SOX6: variants seen among roughly 807,000 people sequenced by gnomAD.
SOX6 encodes transcription factor SOX-6.
SOX6 carries 11 observed loss-of-function variants against 97.8 expected under a neutral mutation model. That is an observed-to-expected ratio of 0.11 (90% confidence interval 0.07 to 0.19). SOX6 has a LOEUF of 0.19. Ranked by LOEUF, SOX6 falls within the 10% of genes least tolerant of loss-of-function variation. The pLI is 1.00. For synonymous variants in SOX6, 360 were observed against 371.4 expected, an observed-to-expected ratio of 0.97 and a Z score of 0.35; for missense variants, 810 against 1,039.5, an observed-to-expected ratio of 0.78 and a Z score of 3.04.
intron 9 of SOX6, 85 bp downstream of exon 9, chr11:16,095,911 C>CT: frequency 8.0e-6 from 11 of 1,377,668 alleles, no homozygotes; most frequent in Non-Finnish European, 1.1e-5. Flanking sequence ...GTGTTTGCCA[C>CT]TTTAAAAAAA....
intron 6 of SOX6, among the ~76,000 whole-genome samples, chr11:16,144,663 G>A (rs1181088090): frequency 1.3e-5 from 2 of 151,934 alleles, no homozygotes; most frequent in East Asian, 3.9e-4. Context: ...AATGATAAAG[G>A]GGATATCACC....
chr11:16,491,057 A>G (rs934230049), intron 4 of SOX6, among the ~76,000 whole-genome samples: 3 of 152,210 alleles, frequency 2.0e-5, no homozygotes, highest in African/African-American at 7.2e-5. Flanking sequence ...CAAGAAAAAT[A>G]CATGCAAAAT....
chr11:16,571,657 T>TG (rs1847940202), intron 4 of SOX6, among the ~76,000 whole-genome samples: 1 of 152,022 alleles, frequency 6.6e-6, no homozygotes, highest in Admixed American at 6.6e-5. Flanking sequence ...TTATTGTGGT[T>TG]GTTTGTTTTT....
intron 4 of SOX6, among the ~76,000 whole-genome samples, chr11:16,220,094 T>C (rs1398940168): frequency 1.4e-4 from 21 of 152,064 alleles, no homozygotes; most frequent in African/African-American, 2.4e-5. Context: ...CTAATTCACA[T>C]TATAAAAATC....
At chr11:16,540,580 T>G (rs1341074763) in intron 4 of SOX6, among the ~76,000 whole-genome samples, 2 of 150,810 alleles carry the variant, frequency 1.3e-5, no homozygotes, top group African/African-American at 4.8e-5. Context: ...CCCCATTGTC[T>G]CAGACCAAAA....
chr11:16,688,174 A>C (rs187999568), intron 3 of SOX6, among the ~76,000 whole-genome samples: 1 of 151,844 alleles, frequency 6.6e-6, no homozygotes, highest in Admixed American at 6.6e-5. Flanking sequence ...AGGTCTTACT[A>C]TGTTGCCTAG....
intron 4 of SOX6, among the ~76,000 whole-genome samples, chr11:16,482,256 T>C (rs1860357076): frequency 6.6e-6 from 1 of 152,234 alleles, no homozygotes; most frequent in Non-Finnish European, 1.5e-5. Flanking sequence ...TGAATATCAA[T>C]AAACTTTTTG....
chr11:16,177,121 T>G (rs932172625), intron 6 of SOX6, among the ~76,000 whole-genome samples: 3 of 151,916 alleles, frequency 2.0e-5, no homozygotes, highest in Non-Finnish European at 4.4e-5. Context: ...CAATACTTCA[T>G]AGAAAGGACA....
At chr11:16,639,318 C>G (rs946508277) in intron 3 of SOX6, among the ~76,000 whole-genome samples, 5 of 152,122 alleles carry the variant, frequency 3.3e-5, no homozygotes, top group African/African-American at 4.8e-5. Context: ...GTTACTGTAG[C>G]CTTGTAGTAT....
chr11:16,641,437 C>A (rs1283624302), intron 3 of SOX6, among the ~76,000 whole-genome samples: 1 of 152,092 alleles, frequency 6.6e-6, no homozygotes, highest in African/African-American at 2.4e-5. Flanking sequence ...TGGTGCAGAG[C>A]TGAGTTCAAT....
At chr11:16,484,756 A>G (rs1243410822) in intron 4 of SOX6, 6 of 425,934 alleles carry the variant, frequency 1.4e-5, no homozygotes, top group African/African-American at 1.2e-4. Context: ...AATAAGTTGC[A>G]TCATCAAATA....
intron 8 of SOX6, among the ~76,000 whole-genome samples, chr11:16,096,755 T>A (rs768324372): frequency 1.3e-5 from 2 of 151,906 alleles, no homozygotes; most frequent in Non-Finnish European, 2.9e-5. Flanking sequence ...AATTATAGTA[T>A]ATTTTAAGAA....
chr11:16,266,464 T>G (rs1379110593), intron 3 of SOX6, among the ~76,000 whole-genome samples: 1 of 151,540 alleles, frequency 6.6e-6, no homozygotes. Context: ...TTGAAGGAGA[T>G]CTGTATCTAC....
intron 13 of SOX6, among the ~76,000 whole-genome samples, chr11:16,009,395 A>G (rs1177001435): frequency 6.6e-6 from 1 of 152,080 alleles, no homozygotes; most frequent in Non-Finnish European, 1.5e-5. Flanking sequence ...CTTGTCAAGG[A>G]TGGAACAACC....
Position 15,972,839 on chromosome 11 carries a change from A to T in SOX6, c.2457T>A (p.Asn819Lys). 1 of 1,614,212 alleles carries T rather than the reference A, an allele frequency of 6.2e-7. No individual in the cohort carries two copies. ...TGGCACTGACAGCCTCCGGGGCTTC[A>T]TTTTCACTGCTATAGTCTGATTTGG... is the stretch of plus-strand genomic sequence containing the variant. The part of the protein sequence containing the change: ...DDPKSDYSSE[N>K]EAPEAVSAN The change falls in exon 16 of 16, where the codon AAT (asparagine) becomes AAA (lysine). Residue 819 changes from asparagine (N) to lysine (K), a missense_variant. Transcript: ENST00000683767.
chr11:16,644,184 G>A (rs950591992), intron 3 of SOX6, among the ~76,000 whole-genome samples: 1 of 152,106 alleles, frequency 6.6e-6, no homozygotes, highest in Non-Finnish European at 1.5e-5. Flanking sequence ...GGGACCCCCA[G>A]CATGTGCCAC....
At chr11:16,347,254 A>G (rs771202606) in intron 1 of SOX6, among the ~76,000 whole-genome samples, 2 of 152,128 alleles carry the variant, frequency 1.3e-5, no homozygotes, top group African/African-American at 2.4e-5. Context: ...TGGGATCAAA[A>G]CAACTTGACT....
intron 3 of SOX6, among the ~76,000 whole-genome samples, chr11:16,643,861 G>C (rs887138089): frequency 6.6e-6 from 1 of 152,232 alleles, no homozygotes; most frequent in African/African-American, 2.4e-5. Context: ...CACTTCCTGG[G>C]TGAGGCAATG....
intron 4 of SOX6, among the ~76,000 whole-genome samples, chr11:16,500,559 C>T (rs1860687580): frequency 6.6e-6 from 1 of 152,050 alleles, no homozygotes; most frequent in Admixed American, 6.6e-5. Context: ...TATCTAGAAA[C>T]CCCATCTTCT....
Sources: gnomAD v4.1 joint callset for allele counts (sites outside exome capture counted in the v4.1 genomes callset) on GRCh38, gnomAD v4.1.1 for gene constraint, MANE v1.5 for transcripts, NCBI Gene and HGNC (gene_info 2026-07-23, HGNC 2026-07-21) for gene names.